Variants in CPED1 observed in about 807,000 individuals in gnomAD.
CPED1 encodes cadherin-like and PC-esterase domain-containing protein 1.
A neutral mutation model predicts 128.2 loss-of-function variants in CPED1; 114 were observed. The observed-to-expected ratio is 0.89, with a 90% CI of 0.76 to 1.04. CPED1 has a LOEUF of 1.04. Among genes scored for constraint, CPED1 ranks in the 50% least tolerant of loss-of-function variants. The pLI is 0.00. For missense variants in CPED1, 1,211 were observed against 1,207.1 expected (o/e 1.00, Z -0.05); for synonymous variants, 462 against 426.7 (o/e 1.08, Z -1.02).
At chr7:121,256,858 C>G (rs1791893930) in intron 18 of CPED1, among the ~76,000 whole-genome samples, 1 of 151,944 alleles carries the variant, frequency 6.6e-6, no homozygotes, top group African/African-American at 2.4e-5. Flanking sequence ...AAATGTGGTA[C>G]ATATATACAT....
intron 5 of CPED1, among the ~76,000 whole-genome samples, chr7:121,065,194 G>A (rs1793797380): frequency 6.6e-6 from 1 of 152,094 alleles, no homozygotes; most frequent in Admixed American, 6.6e-5. Context: ...AAAGACTGAA[G>A]TCATCGACTG....
Position 121,127,074 on chromosome 7 carries a change from T to C in CPED1, c.1135-16T>C. 1 of 1,539,428 alleles carries C rather than the reference T, an allele frequency of 6.5e-7. No individual in the cohort carries two copies. Among genetic ancestry groups the C allele is most frequent in the Non-Finnish European group, 8.7e-7 (1 of 1,145,796 alleles). ...AATCGATGAAAAATATTTGCTGTGC[T>C]TTTGTTCTTTCAAAGGTACACGAGC... On this transcript the variant is annotated splice_polypyrimidine_tract_variant and intron_variant, in intron 9 of 22. Coordinates refer to ENST00000310396, the MANE Select transcript of CPED1 (RefSeq NM_024913.5).
Position 121,099,908 on chromosome 7 carries a change from G to GTTTTT in CPED1, c.750-7_750-3dup. The stretch of plus-strand genomic sequence containing the variant: ...CCCTACATTATGGAGCGCTAACTAT[G>GTTTTT]TTTTTTTTTTTTTTTAGGAATGAAA... On this transcript the variant is annotated splice_polypyrimidine_tract_variant and intron_variant, in intron 6 of 22. Transcript: ENST00000310396. 6.7e-7 allele frequency: 1 copy of GTTTTT among 1,495,016 alleles called. No individual in the cohort carries two copies. The highest frequency in any genetic ancestry group is 9.1e-7 in the Non-Finnish European group (1 of 1,097,522). 92.6% of individuals were successfully genotyped at this position (1,495,016 alleles called of 1,614,324 possible).
At chr7:121,278,238 A>G (rs932170794) in intron 22 of CPED1, among the ~76,000 whole-genome samples, 1 of 152,182 alleles carries the variant, frequency 6.6e-6, no homozygotes, top group Non-Finnish European at 1.5e-5. Context: ...ATCAATACCA[A>G]GAGACAGAAT....
chr7:121,085,203 C>A (rs761111259), intron 5 of CPED1, among the ~76,000 whole-genome samples: 3 of 152,158 alleles, frequency 2.0e-5, no homozygotes, highest in Non-Finnish European at 4.4e-5. Flanking sequence ...GCTGCAGCTG[C>A]CTGTGTCTGT....
chr7:121,161,484 C>A (rs564272972), intron 16 of CPED1, among the ~76,000 whole-genome samples: 2 of 152,154 alleles, frequency 1.3e-5, no homozygotes, highest in African/African-American at 4.8e-5. Context: ...TATCTCTGAC[C>A]TCTAGACCCA....
At chr7:121,173,591 A>G (rs1796705724) in intron 16 of CPED1, among the ~76,000 whole-genome samples, 1 of 152,138 alleles carries the variant, frequency 6.6e-6, no homozygotes, top group African/African-American at 2.4e-5. Context: ...GCTGAATAGT[A>G]TTCCATGGTG....
chr7:121,118,499 G>T (rs1459770113), intron 7 of CPED1, among the ~76,000 whole-genome samples: 1 of 150,226 alleles, frequency 6.7e-6, no homozygotes, highest in Non-Finnish European at 1.5e-5. Flanking sequence ...GTCAGAGGTT[G>T]CAGTGAGCTG....
chr7:121,011,861 A>G (rs1198303615), intron 2 of CPED1, among the ~76,000 whole-genome samples: 1 of 152,204 alleles, frequency 6.6e-6, no homozygotes, highest in Non-Finnish European at 1.5e-5. Flanking sequence ...AAATTAATTG[A>G]AAGGCTTATG....
chr7:121,076,811 T>A (rs571934580), intron 5 of CPED1, among the ~76,000 whole-genome samples: 97 of 152,146 alleles, frequency 6.4e-4, no homozygotes, highest in African/African-American at 2.3e-3. Flanking sequence ...TCTCCACGGA[T>A]CTTGTAAAGA....
chr7:121,237,916 G>C (rs903367487), intron 17 of CPED1, among the ~76,000 whole-genome samples: 3 of 152,162 alleles, frequency 2.0e-5, no homozygotes, highest in Non-Finnish European at 4.4e-5. Flanking sequence ...ACCCATTATG[G>C]TGTGTCAGGT....
At chr7:121,099,889 A>G (rs1290178810) in intron 6 of CPED1, 37 bp from the exon 7 acceptor site, 5 of 1,583,552 alleles carry the variant, frequency 3.2e-6, no homozygotes, top group Admixed American at 1.8e-5. Context: ...TCAACCCTAC[A>G]TTATGGAGCG....
At chr7:121,178,901 G>C (rs1796840335) in intron 16 of CPED1, among the ~76,000 whole-genome samples, 1 of 152,062 alleles carries the variant, frequency 6.6e-6, no homozygotes, top group African/African-American at 2.4e-5. Flanking sequence ...TGGTATAAAT[G>C]TGATAACTTT....
chr7:121,250,103 T>G (rs1203342211), intron 18 of CPED1, among the ~76,000 whole-genome samples: 9 of 151,958 alleles, frequency 5.9e-5, no homozygotes, highest in South Asian at 2.1e-4. Flanking sequence ...TAAAAGAACA[T>G]AAATTATAAC....
chr7:121,208,410 T>C (rs1191653742), intron 16 of CPED1, among the ~76,000 whole-genome samples: 1 of 152,042 alleles, frequency 6.6e-6, no homozygotes, highest in East Asian at 1.9e-4. Flanking sequence ...AAAGTAGGAC[T>C]TTAATTCCAA....
At chr7:121,045,701 A>G (rs1452499707) in intron 3 of CPED1, among the ~76,000 whole-genome samples, 1 of 152,190 alleles carries the variant, frequency 6.6e-6, no homozygotes, top group Non-Finnish European at 1.5e-5. Context: ...TATTTATCTC[A>G]GGACTGATCA....
intron 4 of CPED1, among the ~76,000 whole-genome samples, chr7:121,055,411 A>AT (rs1793469211): frequency 6.6e-6 from 1 of 151,972 alleles, no homozygotes. Flanking sequence ...CAGTAAATTA[A>AT]TTTTTTAATC....
intron 16 of CPED1, among the ~76,000 whole-genome samples, chr7:121,185,241 C>G (rs1796977012): frequency 2.0e-5 from 3 of 152,058 alleles, no homozygotes; most frequent in Admixed American, 6.6e-5. Flanking sequence ...TAAATATTCA[C>G]TAGACTGAAA....
intron 18 of CPED1, among the ~76,000 whole-genome samples, chr7:121,250,446 G>A (rs1290022985): frequency 6.6e-6 from 1 of 151,814 alleles, no homozygotes; most frequent in Admixed American, 6.6e-5. Context: ...TCAAAAGCTA[G>A]CAGAAGGCAA....
Sources: allele counts gnomAD v4.1 joint callset (sites outside exome capture counted in the v4.1 genomes callset), GRCh38; gene constraint gnomAD v4.1.1; transcripts MANE v1.5; gene names NCBI Gene and HGNC (gene_info 2026-07-23, HGNC 2026-07-21).